Variants in CSMD1 observed in about 807,000 individuals in gnomAD.
CSMD1 encodes the protein CUB and Sushi multiple domains 1, also known as CUB and sushi domain-containing protein 1.
In CSMD1, 213 loss-of-function variants were observed where a neutral mutation model predicts 417.5. The observed-to-expected ratio is 0.51, with a 90% CI of 0.46 to 0.57. CSMD1 has a LOEUF of 0.57. Ranked by LOEUF, CSMD1 falls within the 20% of genes least tolerant of loss-of-function variation. The pLI, the probability that CSMD1 is intolerant of heterozygous loss-of-function variation, is 0.00. For missense variants in CSMD1, 6,923 were observed against 4,529.7 expected (o/e 1.53, Z -15.17); for synonymous variants, 2,862 against 1,736.8 (o/e 1.65, Z -16.11).
chr8:3,932,620 A>C (rs1311311116), intron 5 of CSMD1, among the ~76,000 whole-genome samples: 2 of 150,514 alleles, frequency 1.3e-5, no homozygotes, highest in Non-Finnish European at 3.0e-5. Context: ...TATTTCACCA[A>C]ACATTTATAT....
intron 3 of CSMD1, among the ~76,000 whole-genome samples, chr8:4,130,703 G>C (rs1433478144): frequency 6.8e-6 from 1 of 146,924 alleles, no homozygotes; most frequent in African/African-American, 2.5e-5. Context: ...TTGGAGGGGA[G>C]TAGATAACAC....
chr8:4,162,401 C>A (rs1223379474), intron 3 of CSMD1, among the ~76,000 whole-genome samples: 4 of 152,016 alleles, frequency 2.6e-5, no homozygotes, highest in Admixed American at 2.6e-4. Context: ...GACAGTAAAT[C>A]TTTGAGGATA....
At chr8:4,069,220 G>C (rs757835559) in intron 3 of CSMD1, among the ~76,000 whole-genome samples, 9 of 152,160 alleles carry the variant, frequency 5.9e-5, no homozygotes, top group African/African-American at 2.2e-4. Flanking sequence ...ATGTAAAATT[G>C]TCATACAGAT....
chr8:4,466,356 A>C (rs539573556), intron 2 of CSMD1, among the ~76,000 whole-genome samples: 11 of 152,324 alleles, frequency 7.2e-5, no homozygotes, highest in African/African-American at 2.4e-4. Flanking sequence ...AGAGGTTGAC[A>C]AGGACTAGCC....
At chr8:3,087,944 T>C (rs952453194) in intron 48 of CSMD1, among the ~76,000 whole-genome samples, 2 of 152,242 alleles carry the variant, frequency 1.3e-5, no homozygotes, top group African/African-American at 2.4e-5. Flanking sequence ...ATATATAACA[T>C]TTTCTTAATC....
intron 6 of CSMD1, among the ~76,000 whole-genome samples, chr8:3,731,126 C>G (rs1392733973): frequency 6.6e-6 from 1 of 152,146 alleles, no homozygotes; most frequent in Non-Finnish European, 1.5e-5. Flanking sequence ...GAACATAAAT[C>G]TATATATCCA....
At chr8:4,045,657 T>C (rs1170405130) in intron 3 of CSMD1, among the ~76,000 whole-genome samples, 1 of 152,208 alleles carries the variant, frequency 6.6e-6, no homozygotes, top group Non-Finnish European at 1.5e-5. Flanking sequence ...AGATGGATTG[T>C]AGTAGAAATA....
At chr8:4,438,496 G>T (rs1333618888) in intron 2 of CSMD1, among the ~76,000 whole-genome samples, 1 of 152,222 alleles carries the variant, frequency 6.6e-6, no homozygotes, top group Non-Finnish European at 1.5e-5. Context: ...CACAGCACCT[G>T]GCTGTAGGAA....
chr8:3,296,784 T>C (rs1478373986), intron 25 of CSMD1, among the ~76,000 whole-genome samples: 3 of 152,084 alleles, frequency 2.0e-5, no homozygotes, highest in Non-Finnish European at 4.4e-5. Flanking sequence ...GGAGTTGTCA[T>C]CCAGTGAACT....
chr8:3,855,370 G>C (rs996109257), intron 5 of CSMD1, among the ~76,000 whole-genome samples: 1 of 152,004 alleles, frequency 6.6e-6, no homozygotes, highest in Non-Finnish European at 1.5e-5. Context: ...TAATTTGCTA[G>C]TCTGAACAAC....
chr8:4,364,297 C>G (rs570186602), intron 3 of CSMD1, among the ~76,000 whole-genome samples: 2 of 152,236 alleles, frequency 1.3e-5, no homozygotes, highest in Admixed American at 1.3e-4. Flanking sequence ...CCAAGGGGAA[C>G]ATTAAGGTCC....
At chr8:3,255,363 G>A (rs1042486945) in intron 26 of CSMD1, among the ~76,000 whole-genome samples, 1 of 152,176 alleles carries the variant, frequency 6.6e-6, no homozygotes, top group African/African-American at 2.4e-5. Flanking sequence ...ATCTCAAGCT[G>A]TGTGCTGGGA....
chr8:4,871,496 C>T lies in CSMD1; in HGVS notation c.85+122836G>A, dbSNP rs989769983. On this transcript the variant is annotated intron_variant, in intron 1 of 69. Transcript: ENST00000635120. ...AATATAATCAAGTTGACCCAACGCC[C>T]GTGTATCTGTAAATGAATGGTCTCA... Among the ~76,000 whole-genome samples the T allele has an allele frequency of 5.3e-5, 8 of 152,052 alleles. No homozygotes were observed. In the East Asian group the frequency reaches 1.2e-3, roughly 22 times the overall value.
chr8:3,468,243 T>G (rs1421728125), intron 12 of CSMD1, among the ~76,000 whole-genome samples: 1 of 152,212 alleles, frequency 6.6e-6, no homozygotes, highest in Non-Finnish European at 1.5e-5. Flanking sequence ...TTTCTATAAC[T>G]TGTAAAGTTG....
intron 1 of CSMD1, among the ~76,000 whole-genome samples, chr8:4,853,401 T>C (rs1244911326): frequency 6.6e-6 from 1 of 152,212 alleles, no homozygotes; most frequent in African/African-American, 2.4e-5. Flanking sequence ...GTACAGCTCA[T>C]ATTGCTGCTT....
At chr8:3,602,219 A>C (rs1411748165) in intron 8 of CSMD1, among the ~76,000 whole-genome samples, 9 of 152,194 alleles carry the variant, frequency 5.9e-5, no homozygotes, top group African/African-American at 1.9e-4. Context: ...CTTCCTGACC[A>C]ATTAAACCAG....
intron 5 of CSMD1, among the ~76,000 whole-genome samples, chr8:3,982,354 A>G (rs1199556529): frequency 6.6e-6 from 1 of 151,838 alleles, no homozygotes; most frequent in Non-Finnish European, 1.5e-5. Context: ...CTGCAAAATG[A>G]GGATAATCCT....
At chr8:4,260,643 G>A (rs974067622) in intron 3 of CSMD1, among the ~76,000 whole-genome samples, 1 of 152,124 alleles carries the variant, frequency 6.6e-6, no homozygotes, top group East Asian at 1.9e-4. Context: ...ATAAGTCCTT[G>A]TAATTGATTT....
chr8:3,862,926 G>C lies in CSMD1; in HGVS notation c.819-108884C>G, dbSNP rs77549414. Among the ~76,000 whole-genome samples the C allele has an allele frequency of 7.5e-3, 1,136 of 152,166 alleles. 14 individuals carry two copies. The highest frequency in any genetic ancestry group is 0.024 in the African/African-American group (1,004 of 41,508). On this transcript the variant is annotated intron_variant, in intron 5 of 69. Coordinates refer to ENST00000635120, the MANE Select transcript of CSMD1 (RefSeq NM_033225.6). The stretch of plus-strand genomic sequence containing the variant: ...CCTATAGCAAATTACATTTGTCTGG[G>C]GATTTTTAAACAGCAGAAATTTATA...
Sources: gnomAD v4.1 joint callset for allele counts (sites outside exome capture counted in the v4.1 genomes callset) on GRCh38, gnomAD v4.1.1 for gene constraint, MANE v1.5 for transcripts, NCBI Gene and HGNC (gene_info 2026-07-23, HGNC 2026-07-21) for gene names.